GRIN2A: variants seen among roughly 807,000 people sequenced by gnomAD.
GRIN2A encodes glutamate ionotropic receptor NMDA type subunit 2A.
In GRIN2A, 22 loss-of-function variants were observed where a neutral mutation model predicts 113.4. That is an observed-to-expected ratio of 0.19 (90% CI 0.14 to 0.28). GRIN2A has a LOEUF of 0.28. GRIN2A is among the 10% of genes least tolerant of loss of function. GRIN2A has a pLI of 1.00. For missense variants in GRIN2A, 1,502 were observed against 1,887.0 expected, an observed-to-expected ratio of 0.80 and a Z score of 3.78; for synonymous variants, 827 against 738.4, an observed-to-expected ratio of 1.12 and a Z score of -1.94.
intron 2 of GRIN2A, among the ~76,000 whole-genome samples, chr16:10,015,425 AC>A (rs2046592225): frequency 6.6e-6 from 1 of 152,132 alleles, no homozygotes; most frequent in African/African-American, 2.4e-5. Flanking sequence ...CCTGTGGCCT[AC>A]CTTTGGAGAC....
chr16:9,976,428 G>C (rs12924396), intron 2 of GRIN2A, among the ~76,000 whole-genome samples: 75,832 of 152,050 alleles, frequency 0.5, 19,303 homozygotes, highest in Middle Eastern at 0.56. Context: ...GTTGCTGCCA[G>C]ATCCCGGTGT....
intron 2 of GRIN2A, among the ~76,000 whole-genome samples, chr16:10,126,326 C>G (rs534712342): frequency 6.6e-6 from 1 of 151,952 alleles, no homozygotes; most frequent in South Asian, 2.1e-4. Context: ...ACACCTGGCT[C>G]ATTTAAAAAA....
At chr16:10,012,283 G>A (rs1013898286) in intron 2 of GRIN2A, among the ~76,000 whole-genome samples, 1 of 152,160 alleles carries the variant, frequency 6.6e-6, no homozygotes, top group East Asian at 1.9e-4. Context: ...AACAATAAAA[G>A]CATCACTTTT....
Position 9,764,385 on chromosome 16 carries a change from T to C in GRIN2A, c.3159A>G (p.Pro1053=). The change falls in exon 13 of 13, where the codon CCA becomes CCG. Residue 1053 remains proline, a synonymous_variant. Coordinates refer to ENST00000330684, the MANE Select transcript of GRIN2A (RefSeq NM_001134407.3). ...AAATGTCAGAGTGGGCCATCTCTTCTGGAAGATACCTAGGGCTCTTTAGGG... is the reference window on the plus strand; with the variant it reads ...AAATGTCAGAGTGGGCCATCTCTTCCGGAAGATACCTAGGGCTCTTTAGGG... ...THSLKSPRYL[P]EEMAHSDISE... is the part of the protein sequence containing the mutation. 1.9e-6 allele frequency: 3 copies of C among 1,614,142 alleles called. No homozygotes were observed. The highest frequency in any genetic ancestry group is 1.3e-5 in the African/African-American group (1 of 75,046).
At chr16:10,131,826 T>G (rs903499302) in intron 2 of GRIN2A, among the ~76,000 whole-genome samples, 7 of 152,160 alleles carry the variant, frequency 4.6e-5, no homozygotes, top group African/African-American at 1.7e-4. Flanking sequence ...TCCCTCTGCC[T>G]AGAGTGGCAA....
intron 2 of GRIN2A, among the ~76,000 whole-genome samples, chr16:10,043,040 G>C (rs2047193506): frequency 6.6e-6 from 1 of 152,198 alleles, no homozygotes; most frequent in African/African-American, 2.4e-5. Context: ...AATCTACTTT[G>C]AGTCAAGGTT....
At chr16:10,005,481 T>C (rs916104550) in intron 2 of GRIN2A, among the ~76,000 whole-genome samples, 3 of 152,232 alleles carry the variant, frequency 2.0e-5, no homozygotes, top group African/African-American at 4.8e-5. Flanking sequence ...CCAAATTTTA[T>C]AGGGGCCAAG....
intron 2 of GRIN2A, among the ~76,000 whole-genome samples, chr16:9,992,261 C>G (rs780604478): frequency 7.9e-5 from 12 of 151,986 alleles, no homozygotes; most frequent in African/African-American, 1.7e-4. Context: ...TAATAAGAAG[C>G]CTTCTCAGAG....
chr16:10,026,380 G>A (rs1007768676), intron 2 of GRIN2A, among the ~76,000 whole-genome samples: 4 of 151,944 alleles, frequency 2.6e-5, no homozygotes, highest in Admixed American at 1.3e-4. Flanking sequence ...GGAATCTATT[G>A]CTATTATTTA....
intron 3 of GRIN2A, among the ~76,000 whole-genome samples, chr16:9,915,973 C>T (rs564525363): frequency 3.9e-5 from 6 of 152,310 alleles, no homozygotes; most frequent in South Asian, 2.1e-4. Flanking sequence ...AATTAATCAA[C>T]ATCTGTACTT....
chr16:9,839,613 C>T (rs1388885719), intron 7 of GRIN2A, among the ~76,000 whole-genome samples: 2 of 152,122 alleles, frequency 1.3e-5, no homozygotes, highest in African/African-American at 4.8e-5. Context: ...TAAATGACTG[C>T]TGTTCTTTGT....
At chr16:9,777,975 G>C (rs563378977) in intron 11 of GRIN2A, among the ~76,000 whole-genome samples, 1 of 152,338 alleles carries the variant, frequency 6.6e-6, no homozygotes, top group Non-Finnish European at 1.5e-5. Flanking sequence ...TGAGGCAGTA[G>C]AATCACTTGA....
At chr16:9,986,397 A>C (rs894111963) in intron 2 of GRIN2A, among the ~76,000 whole-genome samples, 2 of 152,204 alleles carry the variant, frequency 1.3e-5, no homozygotes, top group African/African-American at 4.8e-5. Context: ...TGAAATTACA[A>C]GTGATCTTTG....
At chr16:9,934,629 G>A (rs1366956600) in intron 3 of GRIN2A, among the ~76,000 whole-genome samples, 4 of 121,152 alleles carry the variant, frequency 3.3e-5, no homozygotes, top group East Asian at 2.4e-4. Flanking sequence ...GTAGTGAGCC[G>A]AGATTGTGCC....
rs1262951800 is a variant in GRIN2A at position 9,756,323 on chromosome 16, CACAA to C, written c.*6822_*6825del. 4 of 229,734 alleles carry C rather than the reference CACAA, an allele frequency of 1.7e-5. No individual in the cohort carries two copies. The highest frequency in any genetic ancestry group is 3.5e-5 in the Non-Finnish European group (4 of 115,886). The allele number at this position is 229,734 out of a possible 1,614,324, so 14.2% of individuals were successfully genotyped here. On this transcript the variant is annotated 3_prime_UTR_variant, in exon 13 of 13. Coordinates refer to ENST00000330684, the MANE Select transcript of GRIN2A (RefSeq NM_001134407.3). ...TAAGTGCAAGCATATGAAAGGGAGA[CACAA>C]ACAGTGTTCAAGTCTCAGAAGGAAC...
At chr16:10,168,689 A>G in intron 2 of GRIN2A, among the ~76,000 whole-genome samples, 1 of 152,188 alleles carries the variant, frequency 6.6e-6, no homozygotes, top group East Asian at 1.9e-4. Context: ...ACTCTTGGCC[A>G]GGTGCCGTGG....
At chr16:9,896,012 C>A (rs907533765) in intron 3 of GRIN2A, among the ~76,000 whole-genome samples, 7 of 151,710 alleles carry the variant, frequency 4.6e-5, no homozygotes, top group African/African-American at 1.7e-4. Context: ...TGGGGAGAGC[C>A]ATTCACAAGG....
chr16:10,032,002 G>A (rs2046938363), intron 2 of GRIN2A, among the ~76,000 whole-genome samples: 11 of 152,198 alleles, frequency 7.2e-5, no homozygotes, highest in Admixed American at 7.2e-4. Context: ...TGTCCTCAGG[G>A]AACCTTCTCT....
Position 10,068,820 on chromosome 16 carries a change from G to A in GRIN2A, c.414+111178C>T, listed in dbSNP as rs143200679. Among the ~76,000 whole-genome samples the A allele has an allele frequency of 1.4e-3, 206 of 152,316 alleles. 2 individuals carry two copies. Among genetic ancestry groups the A allele is most frequent in the African/African-American group, 4.5e-3 (187 of 41,560 alleles). ...TCAGGGAATCTGTCTCTGGGGAAGC[G>A]ACATTGAAGCAGAGACCTGAAGGAT... On this transcript the variant is annotated intron_variant, in intron 2 of 12. Coordinates refer to ENST00000330684, the MANE Select transcript of GRIN2A (RefSeq NM_001134407.3).
Sources: gnomAD v4.1 joint callset for allele counts (sites outside exome capture counted in the v4.1 genomes callset) on GRCh38, gnomAD v4.1.1 for gene constraint, MANE v1.5 for transcripts, NCBI Gene and HGNC (gene_info 2026-07-23, HGNC 2026-07-21) for gene names.